Variants in ANKRD11 observed in about 807,000 individuals in gnomAD.
The protein encoded by ANKRD11 is ankyrin repeat domain 11, also known as ankyrin repeat domain-containing protein 11.
Under a neutral mutation model 195.7 loss-of-function variants are expected in ANKRD11, and 17 were observed. The ratio of observed to expected loss-of-function variants is 0.09; its 90% CI spans 0.06 to 0.13. ANKRD11 has a LOEUF of 0.13. Among genes scored for constraint, ANKRD11 ranks in the 10% least tolerant of loss-of-function variants. The pLI is 1.00. For missense variants in ANKRD11, 3,735 were observed against 3,566.1 expected (o/e 1.05, Z -1.21); for synonymous variants, 1,953 against 1,528.1 (o/e 1.28, Z -6.49).
intron 1 of ANKRD11, among the ~76,000 whole-genome samples, chr16:89,418,893 C>G (rs2042402952): frequency 1.3e-5 from 2 of 152,076 alleles, no homozygotes; most frequent in Admixed American, 1.3e-4. Context: ...CCTCAGCCTC[C>G]CGAGTAGATG....
intron 1 of ANKRD11, among the ~76,000 whole-genome samples, chr16:89,422,497 A>G (rs2042558077): frequency 6.6e-6 from 1 of 152,208 alleles, no homozygotes; most frequent in Non-Finnish European, 1.5e-5. Flanking sequence ...GGACTCCACT[A>G]ACAGGTGCGA....
chr16:89,270,511 T>C (rs1360119868), intron 12 of ANKRD11: 1 of 436,732 alleles, frequency 2.3e-6, no homozygotes, highest in Non-Finnish European at 4.3e-6. Context: ...GCTGGGACCT[T>C]AGAGGGGGCT....
chr16:89,332,384 C>G (rs572980063), intron 2 of ANKRD11, among the ~76,000 whole-genome samples: 1 of 152,162 alleles, frequency 6.6e-6, no homozygotes, highest in South Asian at 2.1e-4. Flanking sequence ...AAACACTGAG[C>G]CCCCCAAGTC....
rs575272377 is a variant in ANKRD11 at position 89,270,886 on chromosome 16, G to A, written c.7737C>T (p.Arg2579=). 1.7e-5 allele frequency: 28 copies of A among 1,613,990 alleles called. No homozygotes were observed. Among genetic ancestry groups the A allele is most frequent in the South Asian group, 8.8e-5 (8 of 91,072 alleles). The change falls in exon 12 of 13, where the codon CGC becomes CGT. Residue 2579 remains arginine (R), a synonymous_variant. Transcript: ENST00000301030. Reference sequence around the variant, plus strand: ...TGAACTGGCGGGCGTTGAAACGGTCGCGCACTGACTTGTTCTCGTCACCCT... The same window carrying A: ...TGAACTGGCGGGCGTTGAAACGGTCACGCACTGACTTGTTCTCGTCACCCT... ...ESQGDENKSV[R]DRFNARQFIS... is the part of the protein sequence containing the mutation.
intron 2 of ANKRD11, among the ~76,000 whole-genome samples, chr16:89,334,956 A>G (rs2038270803): frequency 1.3e-5 from 2 of 152,134 alleles, no homozygotes; most frequent in African/African-American, 4.8e-5. Flanking sequence ...GTCAAGCAGC[A>G]GAGTGGAGGG....
chr16:89,285,075 C>T lies in ANKRD11; in HGVS notation c.1467G>A (p.Gly489=). The T allele has an allele frequency of 6.2e-7, 1 of 1,613,892 alleles. No homozygotes were observed. Among genetic ancestry groups the T allele is most frequent in the East Asian group, 2.2e-5 (1 of 44,888 alleles). The change falls in exon 9 of 13, where the codon GGG becomes GGA. Residue 489 remains glycine, a synonymous_variant. Coordinates refer to ENST00000301030, the MANE Select transcript of ANKRD11 (RefSeq NM_013275.6). The surrounding 1 kb of genome is among the most constrained non-coding windows in gnomAD (Gnocchi z 5.6). The stretch of plus-strand genomic sequence containing the variant: ...TCCCCAGAGAGTCCCTGTCATCCTC[C>T]CCACTCTCTGAGGACTCGCTCTCCG... ...SESESESSES[G]EDDRDSLGSS...
intron 1 of ANKRD11, among the ~76,000 whole-genome samples, chr16:89,474,096 G>T (rs760506026): frequency 6.6e-6 from 1 of 152,108 alleles, no homozygotes; most frequent in African/African-American, 2.4e-5. Flanking sequence ...AAAGACTTGC[G>T]TCCCACAATC....
chr16:89,329,644 G>A (rs769652606), intron 2 of ANKRD11, among the ~76,000 whole-genome samples: 1 of 152,178 alleles, frequency 6.6e-6, no homozygotes, highest in African/African-American at 2.4e-5. Flanking sequence ...AACAGTATGA[G>A]GTAGGAGGTA....
intron 2 of ANKRD11, among the ~76,000 whole-genome samples, chr16:89,388,152 A>C (rs1433132775): frequency 6.6e-6 from 1 of 152,164 alleles, no homozygotes; most frequent in African/African-American, 2.4e-5. Flanking sequence ...ACATAAACAT[A>C]ACCACAGTGA....
chr16:89,324,576 G>T (rs772119996), intron 2 of ANKRD11: 3 of 453,840 alleles, frequency 6.6e-6, no homozygotes, highest in African/African-American at 2.0e-5. Context: ...CTCCATCTGG[G>T]GGGGCATGAT....
chr16:89,416,111 C>T (rs977326036), intron 2 of ANKRD11, among the ~76,000 whole-genome samples: 1 of 152,094 alleles, frequency 6.6e-6, no homozygotes, highest in African/African-American at 2.4e-5. Context: ...GCATTAAACA[C>T]CTTAGATTAT....
chr16:89,336,266 G>C (rs1407940302), intron 2 of ANKRD11, among the ~76,000 whole-genome samples: 1 of 152,220 alleles, frequency 6.6e-6, no homozygotes, highest in Non-Finnish European at 1.5e-5. Context: ...CTGGTGCCTG[G>C]CTGGGAGCAG....
chr16:89,279,378 G>C lies in ANKRD11; in HGVS notation c.7164C>G (p.Arg2388=). Residue 2388 remains arginine (R), a synonymous_variant, in exon 9 of 13, where the codon CGC becomes CGG. Coordinates refer to ENST00000301030, the MANE Select transcript of ANKRD11 (RefSeq NM_013275.6). This position sits in a 1 kb window ranked among gnomAD's most constrained non-coding sequence, Gnocchi z 5.6. ...GCAGCTGCTGGGTGGAGCGCTGAAA[G>C]CGGCGTTTGCGCGGATGCTGGGCCT... is the stretch of plus-strand genomic sequence containing the variant. ...DAQAQHPRKR[R]FQRSTQQLQQ... is the part of the protein sequence containing the mutation. 1.3e-6 allele frequency: 2 copies of C among 1,583,130 alleles called. No homozygotes were observed.
rs780204136 is a variant in ANKRD11 at position 89,290,768 on chromosome 16, G to C, written c.458C>G (p.Ser153Cys). Residue 153 changes from serine to cysteine, a missense_variant, in exon 6 of 13, where the codon TCT becomes TGT. Transcript: ENST00000301030. ...STVCQKGTPN[S>C]ASKTKDKVNK... The stretch of plus-strand genomic sequence containing the variant: ...CACTTTATCTTTGGTTTTTGAGGCA[G>C]AGTTGGGCGTTCCCTTCTGACACAC... The C allele has an allele frequency of 1.4e-5, 22 of 1,614,038 alleles. No homozygotes were observed. In the Admixed American group the frequency reaches 2.5e-4, roughly 18 times the overall value.
intron 2 of ANKRD11, among the ~76,000 whole-genome samples, chr16:89,390,089 A>C (rs11076599): frequency 0.011 from 312 of 28,246 alleles, 49 homozygotes; most frequent in African/African-American, 0.022. Flanking sequence ...CGGGGAGCAC[A>C]GACAGAGAAG....
rs1209551826 is a variant in ANKRD11, at chr16:89,280,397, A to G, written c.6145T>C (p.Ser2049Pro). 2 of 1,560,698 alleles carry G rather than the reference A, an allele frequency of 1.3e-6. No individual in the cohort carries two copies. Among genetic ancestry groups the G allele is most frequent in the Non-Finnish European group, 1.7e-6 (2 of 1,154,178 alleles). The change falls in exon 9 of 13, where the codon TCC becomes CCC. Residue 2049 changes from serine (S) to proline (P), a missense_variant. Ser to Pro is a moderately conservative substitution (Grantham distance 74). Transcript: ENST00000301030. ...DGVDAVPAAI[S>P]TSEAAPYAPP... ...GCGTAGGGAGCCGCCTCTGAGGTGG[A>G]GATGGCGGCGGGGACGGCGTCCACT... is the stretch of plus-strand genomic sequence containing the variant.
chr16:89,274,841 C>T lies in ANKRD11; in HGVS notation c.7686G>A (p.Glu2562=), dbSNP rs371135572. ...FSACTMLLDS[E]VYNMPLESQG... Reference sequence around the variant, plus strand: ...GGCTCTCCAGGGGCATGTTGTAGACCTCGGAGTCCAGCAGCATCGTGCAGG... The same window carrying T: ...GGCTCTCCAGGGGCATGTTGTAGACTTCGGAGTCCAGCAGCATCGTGCAGG... Residue 2562 remains glutamate, a synonymous_variant, in exon 11 of 13, where the codon GAG becomes GAA. Coordinates refer to ENST00000301030, the MANE Select transcript of ANKRD11 (RefSeq NM_013275.6). 2.5e-6 allele frequency: 4 copies of T among 1,612,132 alleles called. No individual in the cohort carries two copies. The African/African-American group carries it at 4.0e-5, about 16-fold the overall frequency.
intron 2 of ANKRD11, among the ~76,000 whole-genome samples, chr16:89,355,374 G>T (rs2039424375): frequency 6.6e-6 from 1 of 152,178 alleles, no homozygotes; most frequent in South Asian, 2.1e-4. Context: ...GAGGACGATG[G>T]CAGAACAGAA....
chr16:89,318,909 T>C (rs918074260), intron 2 of ANKRD11, among the ~76,000 whole-genome samples: 5 of 152,202 alleles, frequency 3.3e-5, no homozygotes, highest in African/African-American at 1.2e-4. Flanking sequence ...ATTTTCTCTC[T>C]CTACCTGAAC....
Sources: allele counts gnomAD v4.1 joint callset (sites outside exome capture counted in the v4.1 genomes callset), GRCh38; gene constraint gnomAD v4.1.1; non-coding constraint Gnocchi (gnomAD v3.1); transcripts MANE v1.5; gene names NCBI Gene and HGNC (gene_info 2026-07-23, HGNC 2026-07-21).